PDE1C: variants seen among roughly 807,000 people sequenced by gnomAD.
PDE1C encodes the protein dual specificity calcium/calmodulin-dependent 3',5'-cyclic nucleotide phosphodiesterase 1C.
PDE1C carries 62 observed loss-of-function variants against 93.1 expected under a neutral mutation model. The observed-to-expected ratio is 0.67, with a 90% CI of 0.54 to 0.82. The LOEUF is 0.82. Among genes scored for constraint, PDE1C ranks in the 40% least tolerant of loss-of-function variants. The probability of loss-of-function intolerance (pLI) is 0.00; values close to 1 mark genes in which losing one functional copy is unlikely to be tolerated. For missense variants in PDE1C, 742 were observed against 884.6 expected, an observed-to-expected ratio of 0.84 and a Z score of 2.04; for synonymous variants, 325 against 310.1, an observed-to-expected ratio of 1.05 and a Z score of -0.50.
chr7:32,246,529 C>G (rs1388934401), intron 1 of PDE1C, among the ~76,000 whole-genome samples: 1 of 152,172 alleles, frequency 6.6e-6, no homozygotes, highest in Non-Finnish European at 1.5e-5. Context: ...TTGGAATCTT[C>G]TTAGAACACA....
the PDE1C span, among the ~76,000 whole-genome samples, chr7:31,649,214 A>T: frequency 2.3e-4 from 35 of 152,384 alleles, no homozygotes; most frequent in African/African-American, 8.2e-4. Context: ...CATTACTCTT[A>T]GGAAAGTATT....
At chr7:31,682,436 A>G in the PDE1C span, among the ~76,000 whole-genome samples, 1 of 152,228 alleles carries the variant, frequency 6.6e-6, no homozygotes, top group East Asian at 1.9e-4. Context: ...ATTACTTCAC[A>G]CCTATCAAAA....
At chr7:32,180,650 T>C (rs976716470) in intron 2 of PDE1C, among the ~76,000 whole-genome samples, 8 of 152,226 alleles carry the variant, frequency 5.3e-5, no homozygotes, top group Non-Finnish European at 1.0e-4. Context: ...CTGTGAGAAA[T>C]AAATTTCTGT....
intron 1 of PDE1C, among the ~76,000 whole-genome samples, chr7:32,363,290 T>C (rs1288820960): frequency 3.3e-5 from 5 of 152,350 alleles, no homozygotes; most frequent in African/African-American, 4.8e-5. Flanking sequence ...AGTTTCATTA[T>C]TAGCCCCATT....
chr7:31,854,283 G>A (rs560160437), intron 7 of PDE1C, among the ~76,000 whole-genome samples: 3 of 152,228 alleles, frequency 2.0e-5, no homozygotes, highest in African/African-American at 7.2e-5. Flanking sequence ...GGAGGAAATT[G>A]AACTTCCTAT....
chr7:31,694,415 C>G, the PDE1C span, among the ~76,000 whole-genome samples: 3 of 151,652 alleles, frequency 2.0e-5, no homozygotes, highest in African/African-American at 7.3e-5. Context: ...CACACACACA[C>G]AGATTTAATA....
At chr7:32,073,152 A>T (rs966557248), upstream of PDE1C, among the ~76,000 whole-genome samples, 1 of 152,220 alleles carries the variant, frequency 6.6e-6, no homozygotes, top group African/African-American at 2.4e-5. Context: ...GTCAGAGAAA[A>T]GCAAATTTTG....
Position 32,193,013 on chromosome 7 carries a change from G to A in PDE1C, c.136+16476C>T, listed in dbSNP as rs370472672. ...TATGTTTATCTTATATACTGTGACC[G>A]TGCTAGAACTCATTTATTAGTCTAG... On this transcript the variant is annotated intron_variant, in intron 2 of 18. Transcript: ENST00000396193. 1.1e-3 allele frequency among the ~76,000 whole-genome samples: 168 copies of A among 152,218 alleles called. 1 individual carries two copies. The highest frequency in any genetic ancestry group is 3.5e-3 in the African/African-American group (144 of 41,554).
At chr7:31,915,821 T>G (rs1288966936) in intron 2 of PDE1C, among the ~76,000 whole-genome samples, 2 of 152,204 alleles carry the variant, frequency 1.3e-5, no homozygotes, top group Admixed American at 6.5e-5. Flanking sequence ...AAGTTTTATG[T>G]GACATGAGGG....
At chr7:32,164,886 T>A (rs900579613) in intron 3 of PDE1C, among the ~76,000 whole-genome samples, 3 of 152,158 alleles carry the variant, frequency 2.0e-5, no homozygotes, top group Non-Finnish European at 4.4e-5. Flanking sequence ...TTGTCTGTCT[T>A]CCTTAGCCCC....
chr7:31,649,217 A>G, the PDE1C span, among the ~76,000 whole-genome samples: 1 of 152,240 alleles, frequency 6.6e-6, no homozygotes, highest in African/African-American at 2.4e-5. Flanking sequence ...TACTCTTAGG[A>G]AAGTATTTCC....
intron 1 of PDE1C, among the ~76,000 whole-genome samples, chr7:32,423,624 A>C (rs1386625962): frequency 1.3e-5 from 2 of 152,210 alleles, no homozygotes; most frequent in Non-Finnish European, 2.9e-5. Context: ...GATAAACACC[A>C]ATGTTTGAAA....
intron 6 of PDE1C, among the ~76,000 whole-genome samples, chr7:31,868,290 T>C (rs192790952): frequency 6.6e-6 from 1 of 152,048 alleles, no homozygotes; most frequent in East Asian, 1.9e-4. Flanking sequence ...ATAAAAATAA[T>C]ACAAAGAAAT....
At chr7:32,144,154 AACAGAGAG>A in intron 3 of PDE1C, among the ~76,000 whole-genome samples, 1 of 152,180 alleles carries the variant, frequency 6.6e-6, no homozygotes, top group East Asian at 1.9e-4. Context: ...TGACTTAAGC[AACAGAGAG>A]ACAGAGAGAC....
chr7:32,046,158 C>T (rs1203728937), intron 2 of PDE1C, among the ~76,000 whole-genome samples: 1 of 151,736 alleles, frequency 6.6e-6, no homozygotes, highest in Admixed American at 6.6e-5. Flanking sequence ...TGTCTGTATC[C>T]TGGGCTGTCT....
intron 6 of PDE1C, among the ~76,000 whole-genome samples, chr7:31,871,692 TAAA>T (rs35043161): frequency 3.5e-5 from 5 of 141,542 alleles, no homozygotes; most frequent in African/African-American, 5.2e-5. Context: ...CTGTTATGGT[TAAA>T]AAAAAAAAAA....
chr7:31,960,712 T>A (rs1413000607), intron 2 of PDE1C, among the ~76,000 whole-genome samples: 13 of 152,190 alleles, frequency 8.5e-5, no homozygotes. Context: ...AGTTCTTTTT[T>A]CTACTCTTGC....
At chr7:32,206,642 G>A (rs1298568271) in intron 2 of PDE1C, among the ~76,000 whole-genome samples, 4 of 152,184 alleles carry the variant, frequency 2.6e-5, no homozygotes, top group Non-Finnish European at 4.4e-5. Context: ...CTACGATGCG[G>A]TACCCACATG....
At chr7:31,794,029 TAGATAG>T (rs1562807289) in intron 16 of PDE1C, among the ~76,000 whole-genome samples, 1 of 103,232 alleles carries the variant, frequency 9.7e-6, no homozygotes, top group Admixed American at 9.5e-5. Context: ...GATAGATAGA[TAGATAG>T]ATAGATAGAC....
Sources: allele counts gnomAD v4.1 joint callset (sites outside exome capture counted in the v4.1 genomes callset), GRCh38; gene constraint gnomAD v4.1.1; transcripts MANE v1.5; gene names NCBI Gene and HGNC (gene_info 2026-07-23, HGNC 2026-07-21).